Variants in MAP3K9 observed in about 807,000 individuals in gnomAD.
MAP3K9 encodes the protein mitogen-activated protein kinase kinase kinase 9.
MAP3K9 carries 46 observed loss-of-function variants against 95.8 expected under a neutral mutation model. The observed-to-expected ratio is 0.48, with a 90% CI of 0.38 to 0.61. The LOEUF (loss-of-function observed/expected upper bound fraction) is 0.61. Among genes scored for constraint, MAP3K9 ranks in the 20% least tolerant of loss-of-function variants. The probability of loss-of-function intolerance (pLI) is 0.00; values close to 1 mark genes in which losing one functional copy is unlikely to be tolerated. For synonymous variants in MAP3K9, 533 were observed against 593.8 expected (o/e 0.90, Z 1.49); for missense variants, 1,296 against 1,474.3 (o/e 0.88, Z 1.98).
intron 5 of MAP3K9, among the ~76,000 whole-genome samples, chr14:70,743,154 T>A (rs2054099606): frequency 6.6e-6 from 1 of 151,850 alleles, no homozygotes; most frequent in Non-Finnish European, 1.5e-5. Context: ...ACCTAGCTAA[T>A]TTTTTTGTAT....
intron 2 of MAP3K9, among the ~76,000 whole-genome samples, chr14:70,800,041 C>T (rs1336689027): frequency 1.3e-5 from 2 of 152,154 alleles, no homozygotes; most frequent in African/African-American, 4.8e-5. Flanking sequence ...TTTATGGATT[C>T]TGGATATTTA....
chr14:70,788,393 C>T (rs1408214203), intron 2 of MAP3K9, among the ~76,000 whole-genome samples: 14 of 152,232 alleles, frequency 9.2e-5, no homozygotes, highest in Admixed American at 9.2e-4. Flanking sequence ...CTAAGAACTT[C>T]ACCTAGATGA....
intron 3 of MAP3K9, among the ~76,000 whole-genome samples, chr14:70,754,301 C>T (rs900203605): frequency 1.3e-5 from 2 of 152,028 alleles, no homozygotes; most frequent in African/African-American, 4.8e-5. Context: ...CAAAAAGCAA[C>T]TTTTAAAACA....
chr14:70,776,814 T>G (rs2139816383), intron 2 of MAP3K9, among the ~76,000 whole-genome samples: 1 of 145,038 alleles, frequency 6.9e-6, no homozygotes, highest in South Asian at 2.2e-4. Context: ...TGAAACACCC[T>G]GAACTAAAAG....
chr14:70,807,882 C>T (rs988958769), intron 1 of MAP3K9, among the ~76,000 whole-genome samples: 1 of 152,052 alleles, frequency 6.6e-6, no homozygotes, highest in Non-Finnish European at 1.5e-5. Context: ...GGAAAATTGA[C>T]GGAAACCAGG....
chr14:70,735,975 T>G lies in MAP3K9; in HGVS notation c.1899A>C (p.Pro633=). ...ANGLSTPSES[P]HFHLGLKSLV... ...ATGAGACTCACCCCAAGTGGAAATGTGGAGATTCTGATGGGGTACTTAAAC... is the reference window on the plus strand; with the variant it reads ...ATGAGACTCACCCCAAGTGGAAATGGGGAGATTCTGATGGGGTACTTAAAC... Residue 633 remains proline (P), a synonymous_variant, in exon 9 of 12, where the codon CCA becomes CCC. Coordinates refer to ENST00000554752, the MANE Select transcript of MAP3K9 (RefSeq NM_001284230.2). 2 of 1,612,766 alleles carry G rather than the reference T, an allele frequency of 1.2e-6. No individual in the cohort carries two copies. The highest frequency in any genetic ancestry group is 1.1e-5 in the South Asian group (1 of 91,044).
At chr14:70,779,153 A>T (rs1221693438) in intron 2 of MAP3K9, among the ~76,000 whole-genome samples, 1 of 152,208 alleles carries the variant, frequency 6.6e-6, no homozygotes, top group African/African-American at 2.4e-5. Context: ...GTAGAAAGGG[A>T]GAAGAAGGAG....
At chr14:70,741,964 G>A (rs1290838931) in intron 6 of MAP3K9, among the ~76,000 whole-genome samples, 1 of 152,040 alleles carries the variant, frequency 6.6e-6, no homozygotes, top group Non-Finnish European at 1.5e-5. Context: ...AAGAAACCTT[G>A]AGACAAGTTA....
intron 3 of MAP3K9, among the ~76,000 whole-genome samples, chr14:70,757,287 C>A (rs2054310441): frequency 1.3e-5 from 2 of 151,916 alleles, no homozygotes; most frequent in South Asian, 4.2e-4. Flanking sequence ...GCCTGGGCAA[C>A]ATGGTGAAAC....
rs764049075 is a variant in MAP3K9 at position 70,730,376 on chromosome 14, C to T, written c.*4G>A. On this transcript the variant is annotated 3_prime_UTR_variant, in exon 12 of 12. Transcript: ENST00000554752. ...CCCCCTTGCCCGCCCCAATCCTTTT[C>T]GTGCTAAGACCAGAACTCCTGCTGG... The T allele has an allele frequency of 3.7e-5, 59 of 1,596,116 alleles. No individual in the cohort carries two copies. In the Admixed American group the frequency reaches 8.6e-4, roughly 23 times the overall value.
At position 70,725,243 on chromosome 14, in the gene MAP3K9, C is replaced by T. The variant is rs117700841; in HGVS notation, c.*5137G>A. On this transcript the variant is annotated 3_prime_UTR_variant, in exon 12 of 12. Transcript: ENST00000554752. ...TCCTGATCATGGAGTGAGCCCAACA[C>T]GAAGAGCAAAGCCAGGGCTCCCTAG... The T allele has an allele frequency of 8.4e-3, 1,285 of 152,308 alleles. 6 individuals are homozygous for T. Among genetic ancestry groups the T allele is most frequent in the Non-Finnish European group, 0.013 (883 of 68,056 alleles). The allele number at this position is 152,308 out of a possible 1,614,324, so 9.4% of individuals were successfully genotyped here.
At chr14:70,795,620 C>T (rs8018972) in intron 2 of MAP3K9, among the ~76,000 whole-genome samples, 45,527 of 151,752 alleles carry the variant, frequency 0.3, 7,337 homozygotes, top group South Asian at 0.41. Flanking sequence ...CCCTTTTCTG[C>T]ATTTTCTAAG....
chr14:70,782,120 C>G (rs2054685546), intron 2 of MAP3K9, among the ~76,000 whole-genome samples: 1 of 152,156 alleles, frequency 6.6e-6, no homozygotes, highest in African/African-American at 2.4e-5. Flanking sequence ...CTTCTCCAGA[C>G]CCCATCTCAT....
chr14:70,766,043 G>A (rs1488018916), intron 2 of MAP3K9, among the ~76,000 whole-genome samples: 3 of 152,100 alleles, frequency 2.0e-5, no homozygotes, highest in Non-Finnish European at 4.4e-5. Flanking sequence ...TTAACCAGAT[G>A]TAGGGGCCTG....
At chr14:70,799,543 G>A (rs1196075865) in intron 2 of MAP3K9, among the ~76,000 whole-genome samples, 1 of 152,036 alleles carries the variant, frequency 6.6e-6, no homozygotes, top group African/African-American at 2.4e-5. Flanking sequence ...GTTTCACCGT[G>A]TTAGCCAGGA....
At chr14:70,789,873 G>A (rs1394924757) in intron 2 of MAP3K9, among the ~76,000 whole-genome samples, 2 of 152,150 alleles carry the variant, frequency 1.3e-5, no homozygotes, top group African/African-American at 2.4e-5. Context: ...CTGTTATTCT[G>A]CAGGTCAGTG....
intron 8 of MAP3K9, among the ~76,000 whole-genome samples, chr14:70,737,749 A>T (rs1450054422): frequency 6.6e-6 from 1 of 152,242 alleles, no homozygotes; most frequent in Admixed American, 6.5e-5. Flanking sequence ...TGCTTTAAAA[A>T]TGGAAGAAGA....
rs776396317 is a variant in MAP3K9 at position 70,748,823 on chromosome 14, G to A, written c.1326+6C>T. 1.3e-6 allele frequency: 2 copies of A among 1,577,660 alleles called. No individual in the cohort carries two copies. The highest frequency in any genetic ancestry group is 1.7e-6 in the Non-Finnish European group (2 of 1,166,628). ...GTTTTTTTGTTGTTTTTTTTGTTTT[G>A]TTTACCTTTTCTTTGGCCCTGAGTT... On this transcript the variant is annotated splice_donor_region_variant and intron_variant, in intron 5 of 11. Transcript: ENST00000554752.
chr14:70,742,402 T>C lies in MAP3K9; in HGVS notation c.1516A>G (p.Arg506Gly). Residue 506 changes from arginine to glycine, a missense_variant, in exon 6 of 12, where the codon AGG (arginine) becomes GGG (glycine). Physicochemically the swap from Arg to Gly is moderately radical, Grantham distance 125. Coordinates refer to ENST00000554752, the MANE Select transcript of MAP3K9 (RefSeq NM_001284230.2). Reference sequence around the variant, plus strand: ...TCCTTGAGCTTCAGCCGGCTCTTCCTGAACTTGCCCTTGCGTTTCTTCACC... The same window carrying C: ...TCCTTGAGCTTCAGCCGGCTCTTCCCGAACTTGCCCTTGCGTTTCTTCACC... ...PRVKKRKGKF[R>G]KSRLKLKDGN... 5 of 1,614,216 alleles carry C rather than the reference T, an allele frequency of 3.1e-6. No homozygotes were observed. Among genetic ancestry groups the C allele is most frequent in the Non-Finnish European group, 3.4e-6 (4 of 1,180,032 alleles).
Sources: allele counts gnomAD v4.1 joint callset (sites outside exome capture counted in the v4.1 genomes callset), GRCh38; gene constraint gnomAD v4.1.1; transcripts MANE v1.5; gene names NCBI Gene and HGNC (gene_info 2026-07-23, HGNC 2026-07-21).